SNTG2: variants seen among roughly 807,000 people sequenced by gnomAD.
The protein encoded by SNTG2 is syntrophin gamma 2, also known as gamma-2-syntrophin.
Under a neutral mutation model 70.9 loss-of-function variants are expected in SNTG2, and 74 were observed. That is an observed-to-expected ratio of 1.04 (90% CI 0.86 to 1.27). The LOEUF (loss-of-function observed/expected upper bound fraction) is 1.27, where lower values mean the gene tolerates loss of function less well. Among genes scored for constraint, SNTG2 ranks in the 50% most tolerant of loss-of-function variants. The pLI is 0.00. For synonymous variants in SNTG2, 278 were observed against 273.8 expected (o/e 1.02, Z -0.15); for missense variants, 717 against 690.7 (o/e 1.04, Z -0.43).
At chr2:983,022 GATGTCAGGATGAAGAAGCTGCA>G in intron 1 of SNTG2, among the ~76,000 whole-genome samples, 2 of 152,140 alleles carry the variant, frequency 1.3e-5, no homozygotes, top group South Asian at 4.1e-4. Flanking sequence ...CTGCAGAGGT[GATGTCAGGATGAAGAAGCTGCA>G]GAGGTGGTGT....
At chr2:1,216,168 C>T (rs1187123233) in intron 9 of SNTG2, among the ~76,000 whole-genome samples, 1 of 152,212 alleles carries the variant, frequency 6.6e-6, no homozygotes, top group Admixed American at 6.5e-5. Context: ...TACAGTCCCA[C>T]CAACAGTGTA....
intron 9 of SNTG2, among the ~76,000 whole-genome samples, chr2:1,226,007 GA>G (rs879492996): frequency 8.3e-4 from 114 of 137,372 alleles, no homozygotes; most frequent in Middle Eastern, 3.6e-3. Flanking sequence ...CTGGAAAAAA[GA>G]AAAAAAAAAA....
chr2:1,067,556 C>T (rs1448169760), intron 1 of SNTG2, among the ~76,000 whole-genome samples: 1 of 152,016 alleles, frequency 6.6e-6, no homozygotes, highest in Non-Finnish European at 1.5e-5. Context: ...CTTTTTTAAC[C>T]TCCTTGGTGT....
At chr2:1,320,576 A>T (rs1471052649) in intron 16 of SNTG2, among the ~76,000 whole-genome samples, 1 of 151,934 alleles carries the variant, frequency 6.6e-6, no homozygotes, top group African/African-American at 2.4e-5. Context: ...AAAAGAAAGA[A>T]AAAAATCACG....
chr2:1,241,465 C>CT (rs895432866), intron 11 of SNTG2, among the ~76,000 whole-genome samples: 22 of 148,596 alleles, frequency 1.5e-4, no homozygotes, highest in Admixed American at 5.4e-4. Flanking sequence ...AAAGCATTTT[C>CT]TTTTTTTTTT....
At chr2:1,328,821 A>G (rs1431454508) in intron 16 of SNTG2, among the ~76,000 whole-genome samples, 3 of 152,086 alleles carry the variant, frequency 2.0e-5, no homozygotes, top group Non-Finnish European at 4.4e-5. Context: ...ACACACATGC[A>G]CGCACATATA....
At chr2:1,222,095 GTCTCTCTCTGTC>G (rs1327451563) in intron 9 of SNTG2, among the ~76,000 whole-genome samples, 5 of 6,968 alleles carry the variant, frequency 7.2e-4, no homozygotes, top group South Asian at 4.2e-3. Flanking sequence ...GTCTCTCTCT[GTCTCTCTCTGTC>G]TCTCTCTGTC....
At chr2:1,074,902 C>A (rs567233485) in intron 1 of SNTG2, among the ~76,000 whole-genome samples, 1 of 152,182 alleles carries the variant, frequency 6.6e-6, no homozygotes, top group Non-Finnish European at 1.5e-5. Flanking sequence ...ATTCACATGG[C>A]ACTGTGAAGT....
At chr2:1,112,906 A>G (rs1666598581) in intron 4 of SNTG2, among the ~76,000 whole-genome samples, 1 of 150,936 alleles carries the variant, frequency 6.6e-6, no homozygotes. Flanking sequence ...CCCTCACAGT[A>G]CTTGGAGGAG....
chr2:1,036,087 C>T (rs1410500458), intron 1 of SNTG2, among the ~76,000 whole-genome samples: 1 of 152,062 alleles, frequency 6.6e-6, no homozygotes, highest in Non-Finnish European at 1.5e-5. Context: ...AGATTTTTGT[C>T]TCTTGGTTTT....
chr2:1,081,567 G>A (rs1664298121), intron 1 of SNTG2, among the ~76,000 whole-genome samples: 1 of 152,246 alleles, frequency 6.6e-6, no homozygotes, highest in Admixed American at 6.5e-5. Flanking sequence ...AGGGCCAGGG[G>A]GCCTGGGTCC....
chr2:1,356,103 A>C (rs1447705571), intron 16 of SNTG2, among the ~76,000 whole-genome samples: 1 of 152,148 alleles, frequency 6.6e-6, no homozygotes, highest in Non-Finnish European at 1.5e-5. Context: ...CTGATTAGAT[A>C]TGGTTTGTAG....
intron 16 of SNTG2, among the ~76,000 whole-genome samples, chr2:1,318,788 C>T (rs531796019): frequency 1.3e-5 from 2 of 149,166 alleles, no homozygotes; most frequent in African/African-American, 5.0e-5. Flanking sequence ...CGGGGAGGAG[C>T]ACCGTAACCT....
At chr2:1,173,888 G>C (rs1671296290) in intron 8 of SNTG2, among the ~76,000 whole-genome samples, 1 of 152,286 alleles carries the variant, frequency 6.6e-6, no homozygotes, top group Non-Finnish European at 1.5e-5. Context: ...AGAGGCATTA[G>C]TGCACGAGAA....
At chr2:1,206,490 T>C (rs957070066) in intron 8 of SNTG2, among the ~76,000 whole-genome samples, 26 of 152,164 alleles carry the variant, frequency 1.7e-4, no homozygotes, top group African/African-American at 4.8e-4. Context: ...CCTCAGTAGA[T>C]GGGAGCATTT....
chr2:1,159,549 AC>A, intron 6 of SNTG2: 1 of 152,162 alleles, frequency 6.6e-6, no homozygotes, highest in African/African-American at 2.4e-5. Context: ...ATATTGAAGA[AC>A]TTTGTATCAA....
chr2:1,281,089 T>C (rs62108099), intron 14 of SNTG2, among the ~76,000 whole-genome samples: 92,059 of 151,970 alleles, frequency 0.61, 28,490 homozygotes, highest in Middle Eastern at 0.78. Flanking sequence ...TGATAAATGC[T>C]GAAGGGTCTT....
chr2:1,089,980 G>A (rs758248614), intron 2 of SNTG2, among the ~76,000 whole-genome samples: 2 of 152,056 alleles, frequency 1.3e-5, no homozygotes, highest in East Asian at 1.9e-4. Flanking sequence ...CTGGCCTTTC[G>A]GTACTGATGC....
intron 1 of SNTG2, among the ~76,000 whole-genome samples, chr2:1,060,580 T>G (rs951647054): frequency 1.3e-5 from 2 of 152,200 alleles, no homozygotes; most frequent in Non-Finnish European, 2.9e-5. Context: ...AAGGTTCATC[T>G]GGAAGAGTGA....
Sources: allele counts gnomAD v4.1 joint callset (sites outside exome capture counted in the v4.1 genomes callset), GRCh38; gene constraint gnomAD v4.1.1; transcripts MANE v1.5; gene names NCBI Gene and HGNC (gene_info 2026-07-23, HGNC 2026-07-21).